Variants in SEMA6D observed in about 807,000 individuals in gnomAD.
The protein encoded by SEMA6D is semaphorin 6D, also known as semaphorin-6D.
In SEMA6D, 35 loss-of-function variants were observed where a neutral mutation model predicts 106.6. That is an observed-to-expected ratio of 0.33 (90% CI 0.25 to 0.44). SEMA6D has a LOEUF of 0.44. Among genes scored for constraint, SEMA6D ranks in the 20% least tolerant of loss-of-function variants. The probability of loss-of-function intolerance (pLI) is 1.00; values close to 1 mark genes in which losing one functional copy is unlikely to be tolerated. For synonymous variants in SEMA6D, 499 were observed against 487.7 expected (o/e 1.02, Z -0.31); for missense variants, 1,185 against 1,345.9 (o/e 0.88, Z 1.87).
chr15:47,487,149 A>G (rs1362596359), intron 3 of SEMA6D, among the ~76,000 whole-genome samples: 3 of 152,228 alleles, frequency 2.0e-5, no homozygotes, highest in South Asian at 2.1e-4. Context: ...ATACAGATAC[A>G]TAGAGTGAAA....
intron 1 of SEMA6D, among the ~76,000 whole-genome samples, chr15:47,746,619 G>A (rs1023666928): frequency 1.2e-4 from 18 of 152,152 alleles, no homozygotes; most frequent in African/African-American, 4.3e-4. Flanking sequence ...AGCCCAAAGG[G>A]CAGAACCAGG....
intron 1 of SEMA6D, among the ~76,000 whole-genome samples, chr15:47,312,969 T>C (rs541909830): frequency 1.3e-5 from 2 of 152,310 alleles, no homozygotes; most frequent in African/African-American, 4.8e-5. Flanking sequence ...TTATAGACTT[T>C]ATTTTTTAGA....
chr15:47,731,317 C>G (rs2080106296), intron 1 of SEMA6D, among the ~76,000 whole-genome samples: 1 of 151,866 alleles, frequency 6.6e-6, no homozygotes, highest in Non-Finnish European at 1.5e-5. Flanking sequence ...CCACTGCCCC[C>G]CCGCCCCCGG....
chr15:47,398,002 T>G (rs2040274279), intron 1 of SEMA6D: 1 of 152,282 alleles, frequency 6.6e-6, no homozygotes, highest in African/African-American at 2.4e-5. Flanking sequence ...GCTATACAAA[T>G]TGAAAGGGTG....
intron 3 of SEMA6D, among the ~76,000 whole-genome samples, chr15:47,506,884 T>C (rs1445262123): frequency 6.6e-6 from 1 of 152,114 alleles, no homozygotes; most frequent in Non-Finnish European, 1.5e-5. Context: ...GCAACAACAA[T>C]AGCTACACTC....
intron 3 of SEMA6D, among the ~76,000 whole-genome samples, chr15:47,570,166 C>T (rs781623738): frequency 7.9e-5 from 12 of 152,014 alleles, no homozygotes; most frequent in East Asian, 1.9e-4. Context: ...CAAAAAATTT[C>T]GAAATCTGAC....
At chr15:47,561,915 A>G (rs996677421) in intron 3 of SEMA6D, among the ~76,000 whole-genome samples, 1 of 151,998 alleles carries the variant, frequency 6.6e-6, no homozygotes, top group African/African-American at 2.4e-5. Context: ...GTTAAGGTGC[A>G]TATTTCTATC....
intron 2 of SEMA6D, among the ~76,000 whole-genome samples, chr15:47,437,510 T>C (rs1023663615): frequency 2.0e-5 from 3 of 152,146 alleles, no homozygotes; most frequent in African/African-American, 7.2e-5. Context: ...CTACATAATA[T>C]TAATCCTTTT....
At chr15:47,335,111 T>C (rs764216201) in intron 1 of SEMA6D, among the ~76,000 whole-genome samples, 3 of 151,984 alleles carry the variant, frequency 2.0e-5, no homozygotes, top group Non-Finnish European at 2.9e-5. Flanking sequence ...ACCAAGAAGT[T>C]AGTCAGTATG....
chr15:47,518,905 A>G (rs1466656959), intron 3 of SEMA6D, among the ~76,000 whole-genome samples: 1 of 151,784 alleles, frequency 6.6e-6, no homozygotes, highest in African/African-American at 2.4e-5. Context: ...ATTTTTTTTT[A>G]TAGGTAGAAG....
chr15:47,655,673 A>C (rs187703991), intron 4 of SEMA6D, among the ~76,000 whole-genome samples: 1 of 152,320 alleles, frequency 6.6e-6, no homozygotes, highest in African/African-American at 2.4e-5. Context: ...AAACCTTACA[A>C]ATTATTAATG....
intron 1 of SEMA6D, among the ~76,000 whole-genome samples, chr15:47,368,911 A>G (rs1458874324): frequency 6.6e-6 from 1 of 152,198 alleles, no homozygotes; most frequent in Non-Finnish European, 1.5e-5. Flanking sequence ...AACCTCAAGG[A>G]TCACACCAAA....
intron 1 of SEMA6D, among the ~76,000 whole-genome samples, chr15:47,264,297 T>A (rs1347943152): frequency 1.3e-5 from 2 of 152,016 alleles, no homozygotes; most frequent in Non-Finnish European, 2.9e-5. Flanking sequence ...TGACACAAGT[T>A]TACTTATGTA....
chr15:47,227,882 C>CACATATATTTTATATATATAAGAATCTT, intron 1 of SEMA6D, among the ~76,000 whole-genome samples: 1 of 100,168 alleles, frequency 1.0e-5, no homozygotes, highest in South Asian at 2.9e-4. Context: ...ATATAAGAAT[C>CACATATATTTTATATATATAAGAATCTT]ATATATATTT....
chr15:47,341,273 C>T (rs2037801394), intron 1 of SEMA6D, among the ~76,000 whole-genome samples: 1 of 151,816 alleles, frequency 6.6e-6, no homozygotes, highest in African/African-American at 2.4e-5. Flanking sequence ...GCCTGTAATC[C>T]CAGCTACTCA....
At chr15:47,249,712 G>C (rs1428278541) in intron 1 of SEMA6D, among the ~76,000 whole-genome samples, 1 of 152,186 alleles carries the variant, frequency 6.6e-6, no homozygotes, top group East Asian at 1.9e-4. Context: ...GGCTAATCTT[G>C]AGAAACATGA....
At chr15:47,318,304 A>C (rs1337357292) in intron 1 of SEMA6D, among the ~76,000 whole-genome samples, 2 of 146,356 alleles carry the variant, frequency 1.4e-5, no homozygotes, top group East Asian at 4.0e-4. Context: ...TTTAGGGTAC[A>C]TGTGCACAAT....
chr15:47,188,477 C>G (rs1013270156), intron 1 of SEMA6D, among the ~76,000 whole-genome samples: 3 of 151,950 alleles, frequency 2.0e-5, no homozygotes, highest in African/African-American at 7.3e-5. Context: ...CTCTTGATAC[C>G]TAGCTTTTTT....
chr15:47,769,652 C>T (rs1281630151), intron 18 of SEMA6D, among the ~76,000 whole-genome samples: 3 of 152,096 alleles, frequency 2.0e-5, no homozygotes, highest in Non-Finnish European at 4.4e-5. Flanking sequence ...TCTGGGATAG[C>T]TGTGTTTATA....
Sources: allele counts gnomAD v4.1 joint callset (sites outside exome capture counted in the v4.1 genomes callset), GRCh38; gene constraint gnomAD v4.1.1; transcripts MANE v1.5; gene names NCBI Gene and HGNC (gene_info 2026-07-23, HGNC 2026-07-21).